The following ILRUN variants were observed in gnomAD, a reference collection of about 807,000 sequenced individuals.
ILRUN encodes the protein inflammation and lipid regulator with UBA-like and NBR1-like domains, also known as protein ILRUN.
ILRUN carries 3 observed loss-of-function variants against 33.8 expected under a neutral mutation model. The observed-to-expected ratio is 0.09, with a 90% confidence interval of 0.04 to 0.23. The LOEUF is 0.23. Ranked by LOEUF, ILRUN falls within the 10% of genes least tolerant of loss-of-function variation. The pLI is 1.00. For missense variants in ILRUN, 210 were observed against 375.1 expected, an observed-to-expected ratio of 0.56 and a Z score of 3.64; for synonymous variants, 124 against 138.9, an observed-to-expected ratio of 0.89 and a Z score of 0.75.
intron 3 of ILRUN, among the ~76,000 whole-genome samples, chr6:34,627,024 C>G (rs1762150929): frequency 6.6e-6 from 1 of 151,932 alleles, no homozygotes; most frequent in Non-Finnish European, 1.5e-5. Context: ...AAATGGTATT[C>G]AGAATACTTT....
intron 4 of ILRUN, among the ~76,000 whole-genome samples, chr6:34,593,746 A>G (rs1761341257): frequency 6.6e-6 from 1 of 152,166 alleles, no homozygotes; most frequent in African/African-American, 2.4e-5. Context: ...CCATCACTTC[A>G]AGGAAGAGAG....
intron 3 of ILRUN, among the ~76,000 whole-genome samples, chr6:34,642,825 C>CAAAAAA (rs57866309): frequency 1.4e-4 from 6 of 42,980 alleles, no homozygotes; most frequent in Non-Finnish European, 2.5e-4. Flanking sequence ...CCGTCTCTAC[C>CAAAAAA]AAAAAAAAAA....
chr6:34,621,379 T>C (rs1205994884), intron 3 of ILRUN, among the ~76,000 whole-genome samples: 1 of 152,176 alleles, frequency 6.6e-6, no homozygotes, highest in Non-Finnish European at 1.5e-5. Context: ...AATGAAATGA[T>C]TTAGGCAATC....
At position 34,606,847 on chromosome 6, in the gene ILRUN, T is replaced by C; in HGVS notation, c.569A>G (p.Gln190Arg). 6.2e-7 allele frequency: 1 copy of C among 1,614,170 alleles called. No homozygotes were observed. The highest frequency in any genetic ancestry group is 8.5e-7 in the Non-Finnish European group (1 of 1,180,026). ...EVGGLLGVTQ[Q>R]LSSFETEFNT... ...GAACTCCGTTTCAAAAGATGACAGCTGCTGCGTTACTCCTAAAAGTCCACC... is the reference window on the plus strand; with the variant it reads ...GAACTCCGTTTCAAAAGATGACAGCCGCTGCGTTACTCCTAAAAGTCCACC... Residue 190 changes from glutamine (Q) to arginine (R), a missense_variant, in exon 4 of 5, where the codon CAG (glutamine) becomes CGG (arginine). By Grantham distance (43) the Gln-to-Arg change is conservative. This residue lies in a region of ILRUN where 60 missense variants were observed against 138.1 expected (regional missense o/e 0.43). Transcript: ENST00000374023.
intron 3 of ILRUN, among the ~76,000 whole-genome samples, chr6:34,613,353 A>C (rs1031745202): frequency 6.6e-6 from 1 of 152,262 alleles, no homozygotes; most frequent in Non-Finnish European, 1.5e-5. Flanking sequence ...TCATACTGAC[A>C]TACAAAGACA....
At chr6:34,672,461 C>T (rs1283051010) in intron 1 of ILRUN, among the ~76,000 whole-genome samples, 1 of 151,952 alleles carries the variant, frequency 6.6e-6, no homozygotes, top group African/African-American at 2.4e-5. Context: ...CACCTCTAAT[C>T]CCAGCATTTT....
At chr6:34,603,680 A>G (rs1761565793) in intron 4 of ILRUN, among the ~76,000 whole-genome samples, 2 of 152,212 alleles carry the variant, frequency 1.3e-5, no homozygotes, top group Middle Eastern at 3.4e-3. Flanking sequence ...AACACAAATT[A>G]TATATTAGGA....
chr6:34,696,643 C>T lies in ILRUN; in HGVS notation c.-40G>A, dbSNP rs1581568446. ...ACCCGCTTCCCCGCCTCTTCACAAC[C>T]AAGCCGCCGCCGCGCCGCCGGGCCC... On this transcript the variant is annotated 5_prime_UTR_variant, in exon 1 of 5. Transcript: ENST00000374023. 4 of 1,575,438 alleles carry T rather than the reference C, an allele frequency of 2.5e-6. No individual in the cohort carries two copies. The highest frequency in any genetic ancestry group is 2.6e-6 in the Non-Finnish European group (3 of 1,164,796).
intron 3 of ILRUN, among the ~76,000 whole-genome samples, chr6:34,640,302 C>A (rs1314923873): frequency 6.6e-6 from 1 of 151,878 alleles, no homozygotes. Context: ...GAGAGCACAG[C>A]CAAGCTGAAA....
chr6:34,599,567 T>A (rs533657217), intron 4 of ILRUN, among the ~76,000 whole-genome samples: 35 of 152,206 alleles, frequency 2.3e-4, no homozygotes, highest in Non-Finnish European at 8.8e-5. Flanking sequence ...AAAAAAAGAC[T>A]TAACTGGCCC....
chr6:34,590,760 G>T (rs142295393), intron 4 of ILRUN, among the ~76,000 whole-genome samples, 160 bp from the exon 5 acceptor site: 13 of 152,296 alleles, frequency 8.5e-5, no homozygotes, highest in African/African-American at 2.9e-4. Flanking sequence ...GCAGGCCAAA[G>T]ATCAGTACAT....
chr6:34,683,055 A>C (rs939055610), intron 1 of ILRUN, among the ~76,000 whole-genome samples: 6 of 151,760 alleles, frequency 4.0e-5, no homozygotes, highest in African/African-American at 1.2e-4. Context: ...CTGTTACCCC[A>C]ACAAAAAAAA....
chr6:34,591,030 A>C (rs1761283356), intron 4 of ILRUN, among the ~76,000 whole-genome samples: 1 of 152,172 alleles, frequency 6.6e-6, no homozygotes, highest in Non-Finnish European at 1.5e-5. Flanking sequence ...TATCAGCAAA[A>C]ACACAGAAAT....
At chr6:34,590,655 A>C (rs1216078954) in intron 4 of ILRUN, 55 bp from the exon 5 acceptor site, 1 of 1,302,356 alleles carries the variant, frequency 7.7e-7, no homozygotes, top group Admixed American at 1.7e-5. Flanking sequence ...CAACTTGACA[A>C]CCAAACCAAG....
chr6:34,696,514 C>G lies in ILRUN; in HGVS notation c.90G>C (p.Glu30Asp). ...GTTDKDVLIS[E>D]FQRLLGFQLN... ...GCTGGAAGCCGAGCAGCCTCTGGAA[C>G]TCGGAGATGAGCACGTCCTTGTCGG... The change falls in exon 1 of 5, where the codon GAG (glutamate) becomes GAC (aspartate). Residue 30 changes from glutamate to aspartate, a missense_variant. By Grantham distance (45) the Glu-to-Asp change is conservative. Transcript: ENST00000374023. 1 of 1,613,248 alleles carries G rather than the reference C, an allele frequency of 6.2e-7. No homozygotes were observed. The highest frequency in any genetic ancestry group is 8.5e-7 in the Non-Finnish European group (1 of 1,179,762).
intron 1 of ILRUN, among the ~76,000 whole-genome samples, chr6:34,676,088 T>C (rs775280675): frequency 6.6e-6 from 1 of 152,112 alleles, no homozygotes; most frequent in Non-Finnish European, 1.5e-5. Flanking sequence ...CATAACATAC[T>C]GTGAAATTTA....
At chr6:34,657,841 T>C (rs1384964419) in intron 1 of ILRUN, among the ~76,000 whole-genome samples, 1 of 152,230 alleles carries the variant, frequency 6.6e-6, no homozygotes, top group Non-Finnish European at 1.5e-5. Context: ...TCAGCTATTA[T>C]TAGCCAACAA....
chr6:34,606,503 C>T, intron 4 of ILRUN, 52 bp downstream of exon 4: 3 of 1,470,420 alleles, frequency 2.0e-6, no homozygotes, highest in Non-Finnish European at 2.8e-6. Flanking sequence ...GAAGGGGTAT[C>T]ACAAGTCCCA....
chr6:34,636,613 C>T (rs1762372682), intron 3 of ILRUN, among the ~76,000 whole-genome samples: 2 of 152,122 alleles, frequency 1.3e-5, no homozygotes, highest in Admixed American at 6.6e-5. Context: ...GTTATGACTA[C>T]ATTCTAAACA....
Sources: gnomAD v4.1 joint callset for allele counts (sites outside exome capture counted in the v4.1 genomes callset) on GRCh38, gnomAD v4.1.1 for gene constraint, gnomAD v4.1.1 regional missense constraint, MANE v1.5 for transcripts, NCBI Gene and HGNC (gene_info 2026-07-23, HGNC 2026-07-21) for gene names.